PPP6C: variants seen among roughly 807,000 people sequenced by gnomAD.
PPP6C encodes the protein serine/threonine-protein phosphatase 6 catalytic subunit.
PPP6C carries 11 observed loss-of-function variants against 39.8 expected under a neutral mutation model. That is an observed-to-expected ratio of 0.28 (90% CI 0.17 to 0.46). PPP6C has a LOEUF of 0.46. Among genes scored for constraint, PPP6C ranks in the 20% least tolerant of loss-of-function variants. The probability of loss-of-function intolerance (pLI) is 1.00; values close to 1 mark genes in which losing one functional copy is unlikely to be tolerated. For missense variants in PPP6C, 211 were observed against 373.9 expected (o/e 0.56, Z 3.59); for synonymous variants, 129 against 130.3 (o/e 0.99, Z 0.07).
chr9:125,174,494 C>T (rs1285756751), intron 1 of PPP6C, among the ~76,000 whole-genome samples: 3 of 150,586 alleles, frequency 2.0e-5, no homozygotes, highest in Non-Finnish European at 4.5e-5. Flanking sequence ...GGCCTGGAAT[C>T]CTTCTGGCCT....
intron 1 of PPP6C, among the ~76,000 whole-genome samples, chr9:125,183,596 T>C (rs960743877): frequency 3.9e-5 from 6 of 152,212 alleles, no homozygotes; most frequent in Admixed American, 1.3e-4. Context: ...TTCTATGATT[T>C]GGCATCTTTC....
chr9:125,189,723 A>G lies in PPP6C; in HGVS notation c.-5T>C, dbSNP rs913550852. 7 of 1,578,810 alleles carry G rather than the reference A, an allele frequency of 4.4e-6. No individual in the cohort carries two copies. Among genetic ancestry groups the G allele is most frequent in the Non-Finnish European group, 4.3e-6 (5 of 1,167,742 alleles). ...GTCCAGGTCTAGCGGCGCCATTTTA[A>G]GAATAACAAGCCGCGGCAACAGCGG... On this transcript the variant is annotated 5_prime_UTR_variant, in exon 1 of 7. Transcript: ENST00000373547.
At chr9:125,182,911 G>C (rs996308381) in intron 1 of PPP6C, among the ~76,000 whole-genome samples, 3 of 151,828 alleles carry the variant, frequency 2.0e-5, no homozygotes, top group African/African-American at 7.3e-5. Flanking sequence ...TTAGAACAGT[G>C]TTTAGAGCAC....
intron 1 of PPP6C, among the ~76,000 whole-genome samples, chr9:125,171,476 CACATATATATATATATATATAT>C (rs1310464713): frequency 1.4e-4 from 8 of 57,192 alleles, no homozygotes; most frequent in Admixed American, 2.0e-4. Context: ...CACACACACA[CACATATATATATATATATATAT>C]ATATATATAT....
chr9:125,158,019 T>A (rs1049836415), intron 4 of PPP6C, among the ~76,000 whole-genome samples: 10 of 152,034 alleles, frequency 6.6e-5, no homozygotes, highest in African/African-American at 2.4e-4. Context: ...AGAACCCAGG[T>A]GATTCCAGCT....
chr9:125,173,637 G>T (rs1359840247), intron 1 of PPP6C, among the ~76,000 whole-genome samples: 1 of 150,750 alleles, frequency 6.6e-6, no homozygotes, highest in Non-Finnish European at 1.5e-5. Context: ...TTATTTTTTT[G>T]AGACAGAATC....
At chr9:125,189,508 G>C (rs1265996071) in intron 1 of PPP6C, 136 bp downstream of exon 1, 2 of 1,480,394 alleles carry the variant, frequency 1.4e-6, no homozygotes, top group African/African-American at 2.9e-5. Context: ...ACGCCGGGTA[G>C]GACCGGGTCG....
chr9:125,166,535 C>CTTTTTT (rs1169190980), intron 2 of PPP6C, among the ~76,000 whole-genome samples: 11 of 134,458 alleles, frequency 8.2e-5, no homozygotes, highest in Non-Finnish European at 7.9e-5. Context: ...TTTTCTTTTT[C>CTTTTTT]TTTTTTTTTT....
chr9:125,182,608 T>C (rs968722726), intron 1 of PPP6C, among the ~76,000 whole-genome samples: 1 of 151,992 alleles, frequency 6.6e-6, no homozygotes, highest in Non-Finnish European at 1.5e-5. Flanking sequence ...GACCATGATA[T>C]TCACACGCTT....
chr9:125,185,729 A>G (rs1829515511), intron 1 of PPP6C, among the ~76,000 whole-genome samples: 1 of 151,630 alleles, frequency 6.6e-6, no homozygotes, highest in Non-Finnish European at 1.5e-5. Context: ...TCACACCTAT[A>G]ATCCCAGCAC....
chr9:125,188,572 G>T (rs1390950002), intron 1 of PPP6C, among the ~76,000 whole-genome samples: 1 of 151,948 alleles, frequency 6.6e-6, no homozygotes, highest in Non-Finnish European at 1.5e-5. Flanking sequence ...GATCACTTGA[G>T]GTCAGGAGTT....
chr9:125,164,012 A>G (rs997666323), intron 2 of PPP6C, among the ~76,000 whole-genome samples: 1 of 149,524 alleles, frequency 6.7e-6, no homozygotes, highest in Admixed American at 6.7e-5. Flanking sequence ...TGATTTTTGT[A>G]TTTTTATTAA....
chr9:125,166,609 T>C lies in PPP6C; in HGVS notation c.171+4476A>G, dbSNP rs1314734569. Among the ~76,000 whole-genome samples, 12 of 150,876 alleles carry C rather than the reference T, an allele frequency of 8.0e-5. No individual in the cohort carries two copies. In the East Asian group the frequency reaches 2.4e-3, roughly 30 times the overall value. ...GTGCAATGGTGAGATCTCAGCTTACTGCAACATCCGCCTCCCAGGTTCAAG... is the reference window on the plus strand; with the variant it reads ...GTGCAATGGTGAGATCTCAGCTTACCGCAACATCCGCCTCCCAGGTTCAAG... On this transcript the variant is annotated intron_variant, in intron 2 of 6. Transcript: ENST00000373547.
intron 1 of PPP6C, chr9:125,188,812 A>AATAATAATC: frequency 2.7e-6 from 1 of 374,308 alleles, no homozygotes; most frequent in Non-Finnish European, 4.4e-6. Context: ...TAATAATAAT[A>AATAATAATC]ATAATAATTA....
chr9:125,173,248 T>TA (rs970452190), intron 1 of PPP6C, among the ~76,000 whole-genome samples: 6 of 151,636 alleles, frequency 4.0e-5, no homozygotes, highest in Non-Finnish European at 7.4e-5. Flanking sequence ...CCGTCTCTAT[T>TA]AAAAATACAA....
intron 1 of PPP6C, among the ~76,000 whole-genome samples, chr9:125,182,763 T>C (rs752238677): frequency 6.7e-6 from 1 of 148,616 alleles, no homozygotes; most frequent in East Asian, 2.0e-4. Context: ...TAGATACCCA[T>C]AGTAACTTCC....
At chr9:125,172,457 TC>T (rs1829192031) in intron 1 of PPP6C, among the ~76,000 whole-genome samples, 1 of 152,170 alleles carries the variant, frequency 6.6e-6, no homozygotes, top group South Asian at 2.1e-4. Flanking sequence ...TCTGCCCGCT[TC>T]GGCCTCCCAA....
At chr9:125,174,891 G>A (rs772418472) in intron 1 of PPP6C, among the ~76,000 whole-genome samples, 9 of 151,200 alleles carry the variant, frequency 6.0e-5, no homozygotes, top group Non-Finnish European at 7.4e-5. Context: ...CAGTCTGGGC[G>A]ACAGAGTGAG....
At chr9:125,164,152 A>G (rs747057494) in intron 2 of PPP6C, among the ~76,000 whole-genome samples, 6 of 149,166 alleles carry the variant, frequency 4.0e-5, no homozygotes, top group Non-Finnish European at 7.4e-5. Flanking sequence ...TTCATCCTAC[A>G]TTACTAGACA....
Sources: gnomAD v4.1 joint callset for allele counts (sites outside exome capture counted in the v4.1 genomes callset) on GRCh38, gnomAD v4.1.1 for gene constraint, MANE v1.5 for transcripts, NCBI Gene and HGNC (gene_info 2026-07-23, HGNC 2026-07-21) for gene names.